CRAMP1: variants seen among roughly 807,000 people sequenced by gnomAD.
The protein encoded by CRAMP1 is cramped chromatin regulator 1.
CRAMP1 carries 50 observed loss-of-function variants against 115.4 expected under a neutral mutation model. That is an observed-to-expected ratio of 0.43 (90% confidence interval 0.35 to 0.55). The LOEUF (loss-of-function observed/expected upper bound fraction) is 0.55. CRAMP1 is among the 20% of genes least tolerant of loss of function. CRAMP1 has a pLI of 0.01. For synonymous variants in CRAMP1, 866 were observed against 745.4 expected, an observed-to-expected ratio of 1.16 and a Z score of -2.64; for missense variants, 1,679 against 1,721.7, an observed-to-expected ratio of 0.98 and a Z score of 0.44.
At position 1,615,001 on chromosome 16, in the gene CRAMP1, C is replaced by T; in HGVS notation, c.346+16C>T. ...CGCGGAAAAGGTAGGGCGGCCCGTC[C>T]CCTTGGGAGACCCCAGCCCCTCTCC... On this transcript the variant is annotated intron_variant, in intron 2 of 20. Coordinates refer to ENST00000397412, the MANE Select transcript of CRAMP1 (RefSeq NM_020825.4). 8.1e-7 allele frequency: 1 copy of T among 1,231,802 alleles called. No homozygotes were observed. 76.3% of individuals were successfully genotyped at this position (1,231,802 alleles called of 1,614,324 possible).
intron 4 of CRAMP1, among the ~76,000 whole-genome samples, 161 bp from the exon 5 acceptor site, chr16:1,637,663 C>T (rs139905247): frequency 2.6e-3 from 398 of 152,356 alleles, no homozygotes; most frequent in African/African-American, 9.1e-3. Context: ...GCACCGTGTT[C>T]TATACACTCT....
At chr16:1,665,737 G>A (rs2036868843) in intron 14 of CRAMP1, 1 of 307,300 alleles carries the variant, frequency 3.3e-6, no homozygotes, top group African/African-American at 2.2e-5. Flanking sequence ...CAGCATCTTA[G>A]TCCAGAATCT....
rs370974722 is a variant in CRAMP1 at position 1,656,614 on chromosome 16, C to G, written c.1857C>G (p.Pro619=). 6 of 1,573,880 alleles carry G rather than the reference C, an allele frequency of 3.8e-6. No homozygotes were observed. In the African/African-American group the frequency reaches 6.8e-5, roughly 18 times the overall value. The change falls in exon 10 of 21, where the codon CCC becomes CCG. Residue 619 remains proline, a synonymous_variant. Transcript: ENST00000397412. This position sits in a 1 kb window ranked among gnomAD's most constrained non-coding sequence, Gnocchi z 5.6. The part of the protein sequence containing the change: ...DLAPTGPSPR[P]GPGLLLDVCT... ...CTCCCACTGGCCCATCCCCGAGGCCCGGCCCCGGGCTCCTGCTGGATGTTT... is the reference window on the plus strand; with the variant it reads ...CTCCCACTGGCCCATCCCCGAGGCCGGGCCCCGGGCTCCTGCTGGATGTTT...
chr16:1,673,844 C>T (rs191694556), intron 20 of CRAMP1, 37 bp from the exon 21 acceptor site: 7 of 1,607,398 alleles, frequency 4.4e-6, no homozygotes, highest in African/African-American at 1.3e-5. Context: ...GCCAGCAGGT[C>T]GCGGTGACTT....
intron 17 of CRAMP1, 44 bp from the exon 18 acceptor site, chr16:1,667,918 C>T: frequency 1.5e-6 from 2 of 1,292,780 alleles, no homozygotes; most frequent in Non-Finnish European, 2.2e-6. Flanking sequence ...GTCATGGGTT[C>T]TGATAGACCT....
Position 1,674,083 on chromosome 16 carries a change from T to A in CRAMP1, c.*38T>A. On this transcript the variant is annotated 3_prime_UTR_variant, in exon 21 of 21. Transcript: ENST00000397412. Reference sequence around the variant, plus strand: ...GTGGCGGATGAAGCCCTCTTCGAGCTAGAGAAAAATAGATAAGCCCAGCAG... The same window carrying A: ...GTGGCGGATGAAGCCCTCTTCGAGCAAGAGAAAAATAGATAAGCCCAGCAG... 1 of 1,588,504 alleles carries A rather than the reference T, an allele frequency of 6.3e-7. No individual in the cohort carries two copies. The highest frequency in any genetic ancestry group is 8.6e-7 in the Non-Finnish European group (1 of 1,166,100).
In CRAMP1 at chr16:1,656,638, T is replaced by G. The variant is rs1389773315; in HGVS notation, c.1881T>G (p.Val627=). Residue 627 remains valine, a synonymous_variant, in exon 10 of 21, where the codon GTT becomes GTG. Coordinates refer to ENST00000397412, the MANE Select transcript of CRAMP1 (RefSeq NM_020825.4). This position sits in a 1 kb window ranked among gnomAD's most constrained non-coding sequence, Gnocchi z 5.6. ...CCGGCCCCGGGCTCCTGCTGGATGT[T>G]TGCACTAAAGACTTGGCAGATGCAC... ...PRPGPGLLLD[V]CTKDLADAPA... 6.3e-7 allele frequency: 1 copy of G among 1,579,232 alleles called. No homozygotes were observed. The highest frequency in any genetic ancestry group is 1.3e-5 in the African/African-American group (1 of 74,192).
At chr16:1,653,263 CT>C in intron 8 of CRAMP1, 107 bp downstream of exon 8, 4 of 1,317,706 alleles carry the variant, frequency 3.0e-6, no homozygotes, top group South Asian at 1.4e-5. Flanking sequence ...AGGTCCACCC[CT>C]ATGCTCTGTC....
chr16:1,647,244 TCTAAA>T (rs2036682852), intron 6 of CRAMP1, among the ~76,000 whole-genome samples: 1 of 152,194 alleles, frequency 6.6e-6, no homozygotes, highest in South Asian at 2.1e-4. Context: ...TGAGTAAAGC[TCTAAA>T]CTAAAGTGAA....
intron 10 of CRAMP1, among the ~76,000 whole-genome samples, chr16:1,657,978 C>T (rs552099349): frequency 4.6e-5 from 7 of 152,086 alleles, no homozygotes; most frequent in African/African-American, 7.2e-5. Flanking sequence ...TGGGGGGACT[C>T]GGGACTCGGG....
At chr16:1,649,751 A>T (rs1291282810) in intron 6 of CRAMP1, among the ~76,000 whole-genome samples, 1 of 150,448 alleles carries the variant, frequency 6.6e-6, no homozygotes, top group Non-Finnish European at 1.5e-5. Flanking sequence ...GGCCTCCCAA[A>T]GAGCTGAGCC....
intron 6 of CRAMP1, among the ~76,000 whole-genome samples, 165 bp from the exon 7 acceptor site, chr16:1,652,331 T>C (rs2036731261): frequency 6.6e-6 from 1 of 152,218 alleles, no homozygotes; most frequent in Non-Finnish European, 1.5e-5. Flanking sequence ...TCACCACTTC[T>C]TGTTTGTCAC....
At chr16:1,632,179 C>A (rs543999188) in intron 3 of CRAMP1, 33 bp from the exon 4 acceptor site, 2 of 1,544,556 alleles carry the variant, frequency 1.3e-6, no homozygotes, top group South Asian at 1.2e-5. Context: ...TTGTTTTAAC[C>A]CCTCTACATT....
At chr16:1,637,021 G>A (rs1264344677) in intron 4 of CRAMP1, among the ~76,000 whole-genome samples, 2 of 152,180 alleles carry the variant, frequency 1.3e-5, no homozygotes, top group South Asian at 2.1e-4. Context: ...GGCTGGGCAC[G>A]GTGGCTCATG....
At chr16:1,659,861 ATTGT>A in intron 10 of CRAMP1, 21 bp from the exon 11 acceptor site, 3 of 1,611,048 alleles carry the variant, frequency 1.9e-6, no homozygotes, top group East Asian at 2.2e-5. Context: ...GAGTTTGGAC[ATTGT>A]TTGGCCCATT....
intron 2 of CRAMP1, among the ~76,000 whole-genome samples, chr16:1,622,604 TG>T (rs2036474270): frequency 6.6e-6 from 1 of 152,182 alleles, no homozygotes; most frequent in Admixed American, 6.5e-5. Flanking sequence ...GTCTGTTTTT[TG>T]GGGTTTTCTG....
At chr16:1,620,842 G>C (rs980252594) in intron 2 of CRAMP1, among the ~76,000 whole-genome samples, 2 of 152,180 alleles carry the variant, frequency 1.3e-5, no homozygotes, top group African/African-American at 4.8e-5. Flanking sequence ...CATGGGAAAC[G>C]CCTGGGTTTG....
At chr16:1,638,940 T>C (rs1158333399) in intron 5 of CRAMP1, among the ~76,000 whole-genome samples, 1 of 151,930 alleles carries the variant, frequency 6.6e-6, no homozygotes, top group African/African-American at 2.4e-5. Context: ...CAGCCACTCC[T>C]CTTACCTCCT....
At chr16:1,613,427 G>T (rs1243880017) in intron 1 of CRAMP1, among the ~76,000 whole-genome samples, 1 of 152,120 alleles carries the variant, frequency 6.6e-6, no homozygotes, top group East Asian at 1.9e-4. Flanking sequence ...TGGTGTTGGT[G>T]CCTCGATCGT....
Sources: gnomAD v4.1 joint callset for allele counts (sites outside exome capture counted in the v4.1 genomes callset) on GRCh38, gnomAD v4.1.1 for gene constraint, Gnocchi (gnomAD v3.1) non-coding constraint, MANE v1.5 for transcripts, NCBI Gene and HGNC (gene_info 2026-07-23, HGNC 2026-07-21) for gene names.